Variants in ENO4 observed in about 807,000 individuals in gnomAD.
ENO4 encodes the protein 2-phospho-D-glycerate hydro-lyase.
Under a neutral mutation model 63.2 loss-of-function variants are expected in ENO4, and 53 were observed. That is an observed-to-expected ratio of 0.84 (90% confidence interval 0.67 to 1.05). The LOEUF (loss-of-function observed/expected upper bound fraction) is 1.05, where lower values mean the gene tolerates loss of function less well. Ranked by LOEUF, ENO4 falls within the 50% of genes least tolerant of loss-of-function variation. The pLI, the probability that ENO4 is intolerant of heterozygous loss-of-function variation, is 0.00. For missense variants in ENO4, 719 were observed against 772.0 expected, an observed-to-expected ratio of 0.93 and a Z score of 0.81; for synonymous variants, 266 against 283.8, an observed-to-expected ratio of 0.94 and a Z score of 0.63.
intron 10 of ENO4, among the ~76,000 whole-genome samples, chr10:116,903,988 A>G (rs1387246067): frequency 6.6e-6 from 1 of 152,240 alleles, no homozygotes; most frequent in Non-Finnish European, 1.5e-5. Flanking sequence ...ACAAGGGAAC[A>G]TTAGTTAAAT....
chr10:116,863,741 G>A (rs529142022), intron 7 of ENO4, among the ~76,000 whole-genome samples: 62 of 152,266 alleles, frequency 4.1e-4, no homozygotes, highest in African/African-American at 1.1e-3. Context: ...CAGGGGGCAC[G>A]GGCCCCTCCC....
intron 10 of ENO4, 27 bp downstream of exon 10, chr10:116,874,228 T>C (rs1224480759): frequency 6.6e-7 from 1 of 1,504,282 alleles, no homozygotes; most frequent in East Asian, 2.5e-5. Context: ...CCATATTTTA[T>C]AACATATTTT....
At chr10:116,851,498 A>C (rs1846085701) in intron 1 of ENO4, among the ~76,000 whole-genome samples, 2 of 152,254 alleles carry the variant, frequency 1.3e-5, no homozygotes, top group Admixed American at 1.3e-4. Context: ...CGTCTCAAAA[A>C]GAAAAACAGA....
At chr10:116,896,621 T>C (rs957910582) in intron 10 of ENO4, among the ~76,000 whole-genome samples, 4 of 152,174 alleles carry the variant, frequency 2.6e-5, no homozygotes, top group African/African-American at 7.2e-5. Context: ...ATATGTTGAA[T>C]ATAGTGGTGA....
chr10:116,875,593 ATGTATG>A (rs1166061190), intron 10 of ENO4, among the ~76,000 whole-genome samples: 3 of 152,182 alleles, frequency 2.0e-5, no homozygotes, highest in African/African-American at 7.2e-5. Context: ...ACACATGCAC[ATGTATG>A]TGTATAATTT....
chr10:116,874,695 C>T (rs1846781802), intron 10 of ENO4, among the ~76,000 whole-genome samples: 1 of 152,126 alleles, frequency 6.6e-6, no homozygotes, highest in Non-Finnish European at 1.5e-5. Flanking sequence ...TTATTTGAGA[C>T]AGGGTCTCAC....
intron 10 of ENO4, among the ~76,000 whole-genome samples, chr10:116,874,526 A>G (rs1037324248): frequency 4.6e-5 from 7 of 152,226 alleles, no homozygotes; most frequent in African/African-American, 1.4e-4. Context: ...GCAACCTAAC[A>G]GATGGAAGCT....
chr10:116,860,271 C>T (rs538785992), intron 4 of ENO4, among the ~76,000 whole-genome samples: 1 of 152,170 alleles, frequency 6.6e-6, no homozygotes, highest in African/African-American at 2.4e-5. Context: ...GAATGTGGGT[C>T]AATGATTGGA....
At chr10:116,886,750 A>C (rs1425343652), downstream of ENO4, among the ~76,000 whole-genome samples, 2 of 152,248 alleles carry the variant, frequency 1.3e-5, no homozygotes, top group Admixed American at 1.3e-4. Context: ...TACACAGCTG[A>C]TACTAGGAGC....
At chr10:116,853,909 C>G (rs1846169588) in intron 1 of ENO4, among the ~76,000 whole-genome samples, 2 of 152,134 alleles carry the variant, frequency 1.3e-5, no homozygotes, top group Non-Finnish European at 2.9e-5. Context: ...CTGGTGTCTG[C>G]TAAATGAAAG....
At position 116,850,041 on chromosome 10, in the gene ENO4, G is replaced by C. The variant is rs1012767548; in HGVS notation, c.165+310G>C. The C allele has an allele frequency of 5.4e-5, 29 of 533,478 alleles. No homozygotes were observed. In the Middle Eastern group the frequency reaches 1.4e-3, roughly 26 times the overall value. 33.0% of individuals were successfully genotyped at this position (533,478 alleles called of 1,614,324 possible). On this transcript the variant is annotated intron_variant, in intron 1 of 13. Coordinates refer to ENST00000341276, the MANE Select transcript of ENO4 (RefSeq NM_001242699.2). ...CGCTGCCTAAGAGGCCTCTCCGTTT[G>C]TGGGCCGGCCCACCGCCCATGCTTG...
intron 7 of ENO4, among the ~76,000 whole-genome samples, chr10:116,867,237 C>T (rs934108760): frequency 3.9e-5 from 6 of 152,096 alleles, no homozygotes; most frequent in Admixed American, 3.9e-4. Context: ...AACTCACTCT[C>T]CCTAGGAACT....
At chr10:116,863,745 C>G (rs1846479773) in intron 7 of ENO4, among the ~76,000 whole-genome samples, 1 of 152,164 alleles carries the variant, frequency 6.6e-6, no homozygotes, top group South Asian at 2.1e-4. Flanking sequence ...GGGCACGGGC[C>G]CCTCCCCTGC....
At chr10:116,861,009 A>G (rs1216619865) in intron 5 of ENO4, 46 bp downstream of exon 5, 16 of 1,528,722 alleles carry the variant, frequency 1.0e-5, no homozygotes, top group Non-Finnish European at 1.1e-5. Context: ...GAGTATCTCA[A>G]TATGGATGAA....
intron 10 of ENO4, chr10:116,906,832 T>C (rs890604383): frequency 4.8e-5 from 52 of 1,093,780 alleles, no homozygotes; most frequent in Non-Finnish European, 1.7e-5. Flanking sequence ...CATGAAAACA[T>C]TACCAGAATT....
At chr10:116,862,663 G>A in intron 6 of ENO4, 136 bp from the exon 7 acceptor site, 3 of 628,200 alleles carry the variant, frequency 4.8e-6, no homozygotes, top group South Asian at 2.0e-5. Flanking sequence ...TTAATCTACT[G>A]ATTTTGTAGA....
chr10:116,899,528 TGTGTGTGTGTGTGTGTGTGAGA>T (rs1431484162), intron 10 of ENO4, among the ~76,000 whole-genome samples: 5 of 86,528 alleles, frequency 5.8e-5, no homozygotes, highest in Non-Finnish European at 1.6e-4. Context: ...TGTGTGTGTG[TGTGTGTGTGTGTGTGTGTGAGA>T]GAGTGCATGC....
At chr10:116,864,130 G>A (rs1846491569) in intron 7 of ENO4, among the ~76,000 whole-genome samples, 2 of 152,192 alleles carry the variant, frequency 1.3e-5, no homozygotes, top group Admixed American at 1.3e-4. Context: ...CAGAGCAGGT[G>A]AAGGAAACCC....
At chr10:116,881,157 C>T (rs1846995980) in intron 13 of ENO4, among the ~76,000 whole-genome samples, 1 of 152,214 alleles carries the variant, frequency 6.6e-6, no homozygotes, top group Admixed American at 6.5e-5. Flanking sequence ...CGCCTGCCAT[C>T]ATTTCCCTGG....
Sources: gnomAD v4.1 joint callset for allele counts (sites outside exome capture counted in the v4.1 genomes callset) on GRCh38, gnomAD v4.1.1 for gene constraint, MANE v1.5 for transcripts, NCBI Gene and HGNC (gene_info 2026-07-23, HGNC 2026-07-21) for gene names.